Variants in INPP5F observed in about 807,000 individuals in gnomAD.
The protein encoded by INPP5F is inositol polyphosphate-5-phosphatase F, also known as phosphatidylinositide 4-phosphatase SAC2.
A neutral mutation model predicts 137.2 loss-of-function variants in INPP5F; 97 were observed. The ratio of observed to expected loss-of-function variants is 0.71; its 90% confidence interval spans 0.60 to 0.84. INPP5F has a LOEUF of 0.84. INPP5F is among the 40% of genes least tolerant of loss of function. INPP5F has a pLI of 0.00. For synonymous variants in INPP5F, 504 were observed against 476.9 expected (o/e 1.06, Z -0.74); for missense variants, 1,271 against 1,371.9 (o/e 0.93, Z 1.16).
chr10:119,778,564 G>T (rs931961640), intron 2 of INPP5F, among the ~76,000 whole-genome samples: 1 of 152,050 alleles, frequency 6.6e-6, no homozygotes, highest in Non-Finnish European at 1.5e-5. Flanking sequence ...TTTCTGTCTT[G>T]TGTTTATTAA....
At chr10:119,731,081 C>T (rs994995503) in intron 1 of INPP5F, among the ~76,000 whole-genome samples, 1 of 152,140 alleles carries the variant, frequency 6.6e-6, no homozygotes, top group African/African-American at 2.4e-5. Flanking sequence ...GCCACCGCGC[C>T]TGGCCTGAAC....
intron 4 of INPP5F, 72 bp downstream of exon 4, chr10:119,791,717 CAG>C (rs2134205790): frequency 7.0e-7 from 1 of 1,425,376 alleles, no homozygotes; most frequent in East Asian, 2.3e-5. Context: ...ATTCTCCACT[CAG>C]AAAATTTATT....
chr10:119,727,381 A>T (rs1415575518), intron 1 of INPP5F, among the ~76,000 whole-genome samples: 2 of 152,256 alleles, frequency 1.3e-5, no homozygotes, highest in Non-Finnish European at 2.9e-5. Context: ...TATCACTTAT[A>T]GGATGGTTTT....
intron 1 of INPP5F, among the ~76,000 whole-genome samples, chr10:119,733,813 C>G (rs1037141011): frequency 6.6e-6 from 1 of 152,192 alleles, no homozygotes; most frequent in Non-Finnish European, 1.5e-5. Context: ...CAGGTCCCCA[C>G]TTGTCCCACT....
chr10:119,739,633 T>C (rs1848316822), intron 1 of INPP5F, among the ~76,000 whole-genome samples: 1 of 152,154 alleles, frequency 6.6e-6, no homozygotes, highest in African/African-American at 2.4e-5. Context: ...CTGTATTTAT[T>C]TCTTTATTTT....
chr10:119,762,509 C>T (rs1849037617), intron 2 of INPP5F, among the ~76,000 whole-genome samples: 1 of 152,152 alleles, frequency 6.6e-6, no homozygotes, highest in Non-Finnish European at 1.5e-5. Flanking sequence ...TTTCAACATA[C>T]AGTCACGGTC....
chr10:119,726,931 A>G (rs914500845), intron 1 of INPP5F, among the ~76,000 whole-genome samples: 6 of 152,142 alleles, frequency 3.9e-5, no homozygotes, highest in South Asian at 2.1e-4. Context: ...CCACAGCACA[A>G]TTAAATTGTA....
intron 3 of INPP5F, among the ~76,000 whole-genome samples, chr10:119,782,335 T>C (rs1849735230): frequency 6.6e-6 from 1 of 152,208 alleles, no homozygotes; most frequent in Admixed American, 6.5e-5. Flanking sequence ...CTAGTGTTTT[T>C]TACCACAAGG....
Position 119,825,832 on chromosome 10 carries a change from T to G in INPP5F, c.2250-799T>G. ...TTCAGGCTTTTGTTAAAGAATTACT[T>G]TAACCCATAATTTTTCTGCAGTATG... On this transcript the variant is annotated intron_variant, in intron 19 of 19. Transcript: ENST00000650623. 1.3e-5 allele frequency: 5 copies of G among 396,286 alleles called. No homozygotes were observed. In the East Asian group the frequency reaches 1.8e-4, roughly 14 times the overall value. The allele number at this position is 396,286 out of a possible 1,614,324, so 24.5% of individuals were successfully genotyped here. A position where few individuals can be genotyped will look rare whatever the true frequency, so the allele number is the denominator to read the frequency against.
chr10:119,825,075 A>G (rs1171911856), intron 19 of INPP5F, among the ~76,000 whole-genome samples: 2 of 152,226 alleles, frequency 1.3e-5, no homozygotes, highest in African/African-American at 4.8e-5. Flanking sequence ...GTAAGATGAG[A>G]GAAAATCCAT....
At chr10:119,786,554 CTCATT>C (rs1300191632) in intron 3 of INPP5F, among the ~76,000 whole-genome samples, 1 of 152,110 alleles carries the variant, frequency 6.6e-6, no homozygotes, top group Non-Finnish European at 1.5e-5. Context: ...TTATAGTAAT[CTCATT>C]TATTTGTTTG....
Position 119,791,538 on chromosome 10 carries a change from G to C in INPP5F, c.337G>C (p.Gly113Arg), listed in dbSNP as rs1173182244. 4.4e-6 allele frequency: 7 copies of C among 1,601,242 alleles called. No individual in the cohort carries two copies. The highest frequency in any genetic ancestry group is 5.1e-6 in the Non-Finnish European group (6 of 1,170,416). The change falls in exon 4 of 20, where the codon GGT (glycine) becomes CGT (arginine). Residue 113 changes from glycine to arginine, a missense_variant. Gly to Arg is a moderately radical substitution (Grantham distance 125, BLOSUM62 -2). Coordinates refer to ENST00000650623, the MANE Select transcript of INPP5F (RefSeq NM_014937.4). The part of the protein sequence containing the change: ...ELELCKKHHF[G>R]INKPEKIIPS... ...TTAGCTCTGTAAGAAGCATCATTTT[G>C]GTATTAACAAACCAGAGAAGATCAT...
rs772443836 is a variant in INPP5F, at chr10:119,787,350, C to T, written c.316-4167C>T. On this transcript the variant is annotated intron_variant, in intron 3 of 19. Transcript: ENST00000650623. This position sits in a 1 kb window ranked among gnomAD's most constrained non-coding sequence, Gnocchi z 4.1. Reference sequence around the variant, plus strand: ...CTGTAATCCCAACACTTTGAGAGGCCGAGGCAAGCAGATAACTTGAGGTCA... The same window carrying T: ...CTGTAATCCCAACACTTTGAGAGGCTGAGGCAAGCAGATAACTTGAGGTCA... 2.0e-5 allele frequency among the ~76,000 whole-genome samples: 3 copies of T among 152,000 alleles called. No homozygotes were observed. The highest frequency in any genetic ancestry group is 2.9e-5 in the Non-Finnish European group (2 of 67,994).
intron 1 of INPP5F, among the ~76,000 whole-genome samples, chr10:119,732,522 C>T (rs1366075854): frequency 5.3e-5 from 3 of 56,290 alleles, no homozygotes; most frequent in Admixed American, 2.0e-4. Flanking sequence ...TTTTTTGAGA[C>T]GGAGTTTTAT....
intron 2 of INPP5F, among the ~76,000 whole-genome samples, chr10:119,760,326 C>G (rs1328309741): frequency 6.6e-6 from 1 of 152,154 alleles, no homozygotes; most frequent in Non-Finnish European, 1.5e-5. Context: ...GTAGTCCCAG[C>G]TACTTGGGAG....
intron 1 of INPP5F, among the ~76,000 whole-genome samples, chr10:119,749,983 G>A (rs570776324): frequency 9.6e-4 from 146 of 152,054 alleles, no homozygotes; most frequent in African/African-American, 3.2e-3. Flanking sequence ...TGGGCCAGCT[G>A]GTCTCGAACT....
chr10:119,770,278 AT>A (rs890863083), intron 2 of INPP5F, among the ~76,000 whole-genome samples: 24 of 152,008 alleles, frequency 1.6e-4, no homozygotes, highest in Admixed American at 7.9e-4. Context: ...GCTAGATTCT[AT>A]TTTTTTTATT....
intron 12 of INPP5F, among the ~76,000 whole-genome samples, chr10:119,807,268 A>G (rs1014923077): frequency 6.6e-6 from 1 of 152,154 alleles, no homozygotes; most frequent in African/African-American, 2.4e-5. Flanking sequence ...GTAAGACTCT[A>G]TCTTCAAAAT....
At chr10:119,728,900 TAA>T (rs1053329443) in intron 1 of INPP5F, among the ~76,000 whole-genome samples, 19 of 152,312 alleles carry the variant, frequency 1.2e-4, no homozygotes, top group African/African-American at 4.3e-4. Flanking sequence ...ATCATCATAA[TAA>T]AAGTTTGCCT....
Sources: allele counts gnomAD v4.1 joint callset (sites outside exome capture counted in the v4.1 genomes callset), GRCh38; gene constraint gnomAD v4.1.1; non-coding constraint Gnocchi (gnomAD v3.1); transcripts MANE v1.5; gene names NCBI Gene and HGNC (gene_info 2026-07-23, HGNC 2026-07-21).